The following SLC39A11 variants were observed in gnomAD, a reference collection of about 807,000 sequenced individuals.
SLC39A11 encodes zinc transporter ZIP11.
Under a neutral mutation model 36.1 loss-of-function variants are expected in SLC39A11, and 33 were observed. The observed-to-expected ratio is 0.91, with a 90% confidence interval of 0.69 to 1.22. The LOEUF (loss-of-function observed/expected upper bound fraction) is 1.22, where lower values mean the gene tolerates loss of function less well. Ranked by LOEUF, SLC39A11 falls within the 50% of genes most tolerant of loss-of-function variation. The pLI, the probability that SLC39A11 is intolerant of heterozygous loss-of-function variation, is 0.00. For missense variants in SLC39A11, 432 were observed against 430.3 expected, an observed-to-expected ratio of 1.00 and a Z score of -0.03; for synonymous variants, 166 against 170.3, an observed-to-expected ratio of 0.97 and a Z score of 0.20.
intron 5 of SLC39A11, among the ~76,000 whole-genome samples, chr17:72,861,743 TATA>T (rs1567842550): frequency 7.3e-3 from 17 of 2,340 alleles, no homozygotes; most frequent in Admixed American, 0.032. Flanking sequence ...TTGGAGATTA[TATA>T]TATATATATA....
intron 5 of SLC39A11, among the ~76,000 whole-genome samples, chr17:72,885,281 A>T (rs2081388399): frequency 6.6e-6 from 1 of 152,034 alleles, no homozygotes; most frequent in African/African-American, 2.4e-5. Flanking sequence ...CTGCATACTC[A>T]ACTCCAGTTT....
Position 72,886,732 on chromosome 17 carries a change from G to C in SLC39A11, c.431-36928C>G, listed in dbSNP as rs577146748. ...AGATCTGAAAGTGCTAGTGGTCCCTGCCCGCTGGAACACTTGCTGGACACC... is the reference window on the plus strand; with the variant it reads ...AGATCTGAAAGTGCTAGTGGTCCCTCCCCGCTGGAACACTTGCTGGACACC... On this transcript the variant is annotated intron_variant, in intron 5 of 9. Coordinates refer to ENST00000255559, the MANE Select transcript of SLC39A11 (RefSeq NM_139177.4). Among the ~76,000 whole-genome samples the C allele has an allele frequency of 1.7e-3, 252 of 152,238 alleles. 2 individuals are homozygous for C. Among genetic ancestry groups the C allele is most frequent in the Middle Eastern group, 0.014 (4 of 294 alleles).
At chr17:72,743,710 G>A (rs148502163) in intron 6 of SLC39A11, among the ~76,000 whole-genome samples, 2,440 of 152,154 alleles carry the variant, frequency 0.016, 34 homozygotes, top group Non-Finnish European at 0.024. Flanking sequence ...AATTCAGGCC[G>A]ACACTGAAGA....
intron 3 of SLC39A11, among the ~76,000 whole-genome samples, chr17:73,038,324 T>C (rs1225975311): frequency 1.3e-5 from 2 of 152,136 alleles, no homozygotes; most frequent in Non-Finnish European, 2.9e-5. Context: ...CTTCAGTCTT[T>C]GGCTGGTTTG....
At chr17:72,917,916 G>T (rs1328857400) in intron 5 of SLC39A11, among the ~76,000 whole-genome samples, 1 of 152,198 alleles carries the variant, frequency 6.6e-6, no homozygotes, top group Admixed American at 6.5e-5. Context: ...GAGGTGAGGG[G>T]TTAGGTGCTA....
intron 5 of SLC39A11, among the ~76,000 whole-genome samples, chr17:72,941,551 A>C (rs1598503386): frequency 1.0e-5 from 1 of 95,654 alleles, no homozygotes; most frequent in Non-Finnish European, 2.0e-5. Context: ...GAAAATCAGG[A>C]CTGTGTTTTT....
At chr17:72,931,204 A>G (rs951283) in intron 5 of SLC39A11, among the ~76,000 whole-genome samples, 62,954 of 152,030 alleles carry the variant, frequency 0.41, 13,202 homozygotes, top group Middle Eastern at 0.48. Flanking sequence ...GAGTGAGTGA[A>G]AGAGACCAAG....
intron 5 of SLC39A11, among the ~76,000 whole-genome samples, chr17:72,869,497 C>T (rs564376409): frequency 4.6e-5 from 7 of 152,328 alleles, no homozygotes; most frequent in South Asian, 2.1e-4. Flanking sequence ...TCAAGCAATT[C>T]TCCTGTCTCA....
At chr17:72,677,145 G>C (rs193135872) in intron 7 of SLC39A11, among the ~76,000 whole-genome samples, 109 of 152,300 alleles carry the variant, frequency 7.2e-4, no homozygotes, top group Admixed American at 1.8e-3. Flanking sequence ...CAGGTGGCTG[G>C]ACCTAAGGGA....
intron 4 of SLC39A11, among the ~76,000 whole-genome samples, chr17:72,991,204 T>C (rs377188948): frequency 9.9e-5 from 15 of 152,224 alleles, no homozygotes; most frequent in African/African-American, 3.4e-4. Context: ...TGGGTATGCT[T>C]TATAACGCTA....
At chr17:72,807,846 G>A (rs186013030) in intron 6 of SLC39A11, among the ~76,000 whole-genome samples, 1 of 152,304 alleles carries the variant, frequency 6.6e-6, no homozygotes, top group Non-Finnish European at 1.5e-5. Context: ...CGACGAGGGG[G>A]TCGTGGGAAC....
At chr17:72,868,779 A>G (rs1598194910) in intron 5 of SLC39A11, among the ~76,000 whole-genome samples, 1 of 152,150 alleles carries the variant, frequency 6.6e-6, no homozygotes, top group East Asian at 1.9e-4. Flanking sequence ...CTGCACTCCA[A>G]CCTGGGTGAC....
intron 7 of SLC39A11, among the ~76,000 whole-genome samples, chr17:72,651,287 G>A (rs1375651616): frequency 1.3e-5 from 2 of 152,182 alleles, no homozygotes; most frequent in Non-Finnish European, 1.5e-5. Flanking sequence ...GCCTAAGCAG[G>A]CATCATGGGA....
chr17:72,937,726 G>A (rs1044899634), intron 5 of SLC39A11, among the ~76,000 whole-genome samples: 24 of 152,156 alleles, frequency 1.6e-4, no homozygotes, highest in Admixed American at 5.9e-4. Context: ...TTATGTGTAC[G>A]ACAGGGCCTT....
At chr17:72,812,083 G>T (rs1021394222) in intron 6 of SLC39A11, among the ~76,000 whole-genome samples, 1 of 152,078 alleles carries the variant, frequency 6.6e-6, no homozygotes, top group Non-Finnish European at 1.5e-5. Flanking sequence ...CTGTCTTTTT[G>T]TCTCCCCCAC....
chr17:72,905,529 G>A (rs766994113), intron 5 of SLC39A11, among the ~76,000 whole-genome samples: 14 of 151,696 alleles, frequency 9.2e-5, no homozygotes, highest in South Asian at 8.3e-4. Context: ...CCTGGGGGAC[G>A]GAGGTTGCAG....
chr17:72,677,439 G>A (rs1185468716), intron 7 of SLC39A11, among the ~76,000 whole-genome samples: 1 of 152,224 alleles, frequency 6.6e-6, no homozygotes, highest in African/African-American at 2.4e-5. Context: ...GGGACATTCT[G>A]AGAACCCAGA....
chr17:72,648,821 A>T lies in SLC39A11; in HGVS notation c.911T>A (p.Ile304Asn). The T allele has an allele frequency of 6.2e-7, 1 of 1,614,042 alleles. No individual in the cohort carries two copies. The highest frequency in any genetic ancestry group is 2.2e-5 in the East Asian group (1 of 44,868). Residue 304 changes from isoleucine to asparagine, a missense_variant, in exon 9 of 10, where the codon ATC becomes AAC. Ile to Asn is a moderately radical substitution (Grantham distance 149). Coordinates refer to ENST00000255559, the MANE Select transcript of SLC39A11 (RefSeq NM_139177.4). ...CTCCAACCTGATCTGGGCTTCGGGG[A>T]TGATGTCGTCCATGACCACGTAGAC... ...AMVYVVMDDI[I>N]PEAQISGNGK...
intron 5 of SLC39A11, among the ~76,000 whole-genome samples, chr17:72,912,670 G>T (rs115372307): frequency 2.6e-5 from 4 of 151,600 alleles, no homozygotes; most frequent in African/African-American, 7.3e-5. Flanking sequence ...CTGAGGGTAC[G>T]GGGGTGAGGA....
Sources: allele counts gnomAD v4.1 joint callset (sites outside exome capture counted in the v4.1 genomes callset), GRCh38; gene constraint gnomAD v4.1.1; transcripts MANE v1.5; gene names NCBI Gene and HGNC (gene_info 2026-07-23, HGNC 2026-07-21).